Variants in EPB41L3 observed in about 807,000 individuals in gnomAD.
The protein encoded by EPB41L3 is band 4.1-like protein 3.
A neutral mutation model predicts 127.1 loss-of-function variants in EPB41L3; 57 were observed. That is an observed-to-expected ratio of 0.45 (90% CI 0.36 to 0.56). EPB41L3 has a LOEUF of 0.56. Ranked by LOEUF, EPB41L3 falls within the 20% of genes least tolerant of loss-of-function variation. The pLI is 0.00. For synonymous variants in EPB41L3, 572 were observed against 549.5 expected, an observed-to-expected ratio of 1.04 and a Z score of -0.57; for missense variants, 1,273 against 1,372.2, an observed-to-expected ratio of 0.93 and a Z score of 1.14.
chr18:5,434,037 G>A lies in EPB41L3; in HGVS notation c.690C>T (p.Ser230=), dbSNP rs143402263. 2.5e-4 allele frequency: 405 copies of A among 1,614,168 alleles called. No homozygotes were observed. In the African/African-American group the frequency reaches 5.0e-3, roughly 20 times the overall value. The change falls in exon 7 of 23, where the codon TCC becomes TCT. Residue 230 remains serine, a synonymous_variant. Coordinates refer to ENST00000341928, the MANE Select transcript of EPB41L3 (RefSeq NM_012307.5). ...CTCCGAGCTCTGACTGGACAGTGTA[G>A]GAGCCCAGCAAGGCCAGGGTAACAA... ...CSFVTLALLG[S]YTVQSELGDY...
chr18:5,520,587 G>C (rs1390052202), intron 1 of EPB41L3, among the ~76,000 whole-genome samples: 1 of 149,670 alleles, frequency 6.7e-6, no homozygotes, highest in Non-Finnish European at 1.5e-5. Context: ...GATGAGGCTA[G>C]GGCTTCTATT....
intron 3 of EPB41L3, among the ~76,000 whole-genome samples, chr18:5,472,753 G>A (rs1180917787): frequency 6.6e-6 from 1 of 152,154 alleles, no homozygotes; most frequent in Admixed American, 6.5e-5. Flanking sequence ...CTACGATGTT[G>A]AATCTCAATA....
intron 3 of EPB41L3, among the ~76,000 whole-genome samples, chr18:5,448,204 C>T (rs1190120244): frequency 6.6e-6 from 1 of 152,200 alleles, no homozygotes; most frequent in African/African-American, 2.4e-5. Context: ...GGCACTCTCT[C>T]CCATTGCACC....
upstream of EPB41L3, among the ~76,000 whole-genome samples, chr18:5,546,158 T>C (rs1353376791): frequency 1.3e-5 from 2 of 152,194 alleles, no homozygotes; most frequent in Non-Finnish European, 2.9e-5. Context: ...ATCTTTGTGG[T>C]GATGAAAATC....
At chr18:5,460,495 G>A (rs1484419857) in intron 3 of EPB41L3, among the ~76,000 whole-genome samples, 3 of 152,202 alleles carry the variant, frequency 2.0e-5, no homozygotes, top group Non-Finnish European at 4.4e-5. Flanking sequence ...GTGTGTGTAT[G>A]TGGATGTGTT....
chr18:5,615,418 G>C (rs1305823395), intron 1 of EPB41L3, among the ~76,000 whole-genome samples: 1 of 151,854 alleles, frequency 6.6e-6, no homozygotes, highest in Admixed American at 6.6e-5. Context: ...CACATTTACT[G>C]GGTATATGAG....
chr18:5,528,567 T>G (rs1174985841), intron 1 of EPB41L3, among the ~76,000 whole-genome samples: 2 of 152,132 alleles, frequency 1.3e-5, no homozygotes, highest in African/African-American at 4.8e-5. Flanking sequence ...GTAAAATAAT[T>G]TTCAACCCCA....
chr18:5,582,081 C>A (rs2094398775), intron 3 of EPB41L3, among the ~76,000 whole-genome samples: 1 of 152,208 alleles, frequency 6.6e-6, no homozygotes, highest in Admixed American at 6.5e-5. Flanking sequence ...TTGGGATGTT[C>A]CGTTTTACAT....
intron 6 of EPB41L3, among the ~76,000 whole-genome samples, chr18:5,437,800 T>C (rs1324298148): frequency 1.3e-5 from 2 of 152,158 alleles, no homozygotes; most frequent in East Asian, 3.9e-4. Context: ...TCTGCAAGTT[T>C]TCCCACCAGG....
chr18:5,470,261 T>C (rs1388750265), intron 3 of EPB41L3, among the ~76,000 whole-genome samples: 2 of 152,218 alleles, frequency 1.3e-5, no homozygotes, highest in African/African-American at 2.4e-5. Flanking sequence ...ATAAAATTGT[T>C]TGACTTTATG....
At chr18:5,491,239 C>T (rs889686595) in intron 1 of EPB41L3, among the ~76,000 whole-genome samples, 4 of 152,352 alleles carry the variant, frequency 2.6e-5, no homozygotes, top group Admixed American at 2.6e-4. Context: ...ATGTCACATT[C>T]AGGGGAATGA....
intron 5 of EPB41L3, among the ~76,000 whole-genome samples, chr18:5,438,427 C>A (rs1035928033): frequency 6.6e-6 from 1 of 152,206 alleles, no homozygotes. Flanking sequence ...GAATAATCTT[C>A]AATCAGATAA....
upstream of EPB41L3, chr18:5,630,477 G>A (rs1346943713): frequency 1.9e-6 from 1 of 518,942 alleles, no homozygotes; most frequent in Non-Finnish European, 3.8e-6. Context: ...AGGGCAGAGA[G>A]AGGTAGGGCT....
chr18:5,568,424 T>C (rs1217083139), intron 3 of EPB41L3, among the ~76,000 whole-genome samples: 2 of 72,978 alleles, frequency 2.7e-5, no homozygotes, highest in South Asian at 4.0e-4. Flanking sequence ...TTCCTCTGGA[T>C]AGTAAAAAAA....
upstream of EPB41L3, among the ~76,000 whole-genome samples, chr18:5,545,623 A>G (rs539810013): frequency 2.6e-5 from 4 of 152,344 alleles, no homozygotes; most frequent in South Asian, 8.3e-4. Context: ...GTAATGTTTT[A>G]AGAAAACTAA....
intron 1 of EPB41L3, among the ~76,000 whole-genome samples, chr18:5,541,545 T>C (rs2093731010): frequency 2.0e-5 from 3 of 152,316 alleles, no homozygotes; most frequent in South Asian, 4.1e-4. Flanking sequence ...AGTACATGGA[T>C]AGTTGCCTCT....
At chr18:5,443,981 G>T in intron 4 of EPB41L3, 101 bp from the exon 5 acceptor site, 1 of 1,004,828 alleles carries the variant, frequency 1.0e-6, no homozygotes, top group Non-Finnish European at 1.5e-6. Context: ...CGGAGTTAGT[G>T]GTCGTGGGAA....
rs2073040182 is a variant in EPB41L3, at chr18:5,394,689, C to T, written c.3258G>A (p.Glu1086=). ...KETEITPEDG[E]D ...CATCACCTCTTACCTCTGGTCAATC[C>T]TCTCCATCTTCTGGTGTGATCTCTG... The change falls in exon 22 of 23, where the codon GAG becomes GAA. Residue 1086 remains glutamate (E), a synonymous_variant. Transcript: ENST00000341928. 1.2e-6 allele frequency: 2 copies of T among 1,613,732 alleles called. No individual in the cohort carries two copies. Among genetic ancestry groups the T allele is most frequent in the African/African-American group, 1.3e-5 (1 of 74,920 alleles).
intron 2 of EPB41L3, among the ~76,000 whole-genome samples, chr18:5,483,211 G>GT (rs926457218): frequency 2.5e-4 from 38 of 151,922 alleles, no homozygotes; most frequent in African/African-American, 8.9e-4. Flanking sequence ...TGTATGTGTA[G>GT]TTTTTTTTAG....
Sources: allele counts gnomAD v4.1 joint callset (sites outside exome capture counted in the v4.1 genomes callset), GRCh38; gene constraint gnomAD v4.1.1; transcripts MANE v1.5; gene names NCBI Gene and HGNC (gene_info 2026-07-23, HGNC 2026-07-21).